Variants in ARPP21 observed in about 807,000 individuals in gnomAD.
The protein encoded by ARPP21 is cAMP regulated phosphoprotein 21, also known as cAMP-regulated phosphoprotein 21.
ARPP21 carries 69 observed loss-of-function variants against 113.2 expected under a neutral mutation model. The observed-to-expected ratio is 0.61, with a 90% CI of 0.50 to 0.74. The LOEUF is 0.74. ARPP21 is among the 30% of genes least tolerant of loss of function. The probability of loss-of-function intolerance (pLI) is 0.00; values close to 1 mark genes in which losing one functional copy is unlikely to be tolerated. For missense variants in ARPP21, 1,070 were observed against 1,037.4 expected (o/e 1.03, Z -0.43); for synonymous variants, 368 against 375.5 (o/e 0.98, Z 0.23).
intron 16 of ARPP21, among the ~76,000 whole-genome samples, chr3:35,737,800 T>A (rs1039264961): frequency 5.3e-5 from 8 of 152,180 alleles, no homozygotes; most frequent in African/African-American, 1.9e-4. Context: ...GAGGACTGGC[T>A]GTTCCTACAT....
At chr3:35,694,893 A>G (rs2083381868) in intron 9 of ARPP21, among the ~76,000 whole-genome samples, 1 of 148,268 alleles carries the variant, frequency 6.7e-6, no homozygotes, top group African/African-American at 2.4e-5. Context: ...GAAAGCATAT[A>G]TATATGCATT....
chr3:35,773,788 CGTAT>C (rs750682293), intron 19 of ARPP21, among the ~76,000 whole-genome samples: 18 of 151,998 alleles, frequency 1.2e-4, no homozygotes, highest in Non-Finnish European at 1.9e-4. Context: ...AAGTAACAGC[CGTAT>C]GTGTTTTTTT....
At chr3:35,666,102 G>A (rs923154739) in intron 1 of ARPP21, among the ~76,000 whole-genome samples, 2 of 152,014 alleles carry the variant, frequency 1.3e-5, no homozygotes, top group African/African-American at 4.8e-5. Flanking sequence ...CTCAGTCAAG[G>A]AGATTAATAA....
chr3:35,677,245 T>C (rs1489253495), intron 1 of ARPP21, among the ~76,000 whole-genome samples: 1 of 151,846 alleles, frequency 6.6e-6, no homozygotes, highest in Admixed American at 6.6e-5. Context: ...TCTTTCCCAA[T>C]TGGTAGCACA....
At chr3:35,692,584 A>C (rs1385119549) in intron 9 of ARPP21, among the ~76,000 whole-genome samples, 1 of 151,662 alleles carries the variant, frequency 6.6e-6, no homozygotes, top group Non-Finnish European at 1.5e-5. Context: ...TGGACAGTAG[A>C]TTTATTTTTA....
intron 15 of ARPP21, among the ~76,000 whole-genome samples, chr3:35,736,583 GATGT>G (rs2094364824): frequency 6.6e-6 from 1 of 152,160 alleles, no homozygotes; most frequent in Non-Finnish European, 1.5e-5. Context: ...ATGATTCTGT[GATGT>G]ACTACTTTTA....
chr3:35,753,639 A>G (rs182750228), intron 19 of ARPP21, among the ~76,000 whole-genome samples: 110 of 152,148 alleles, frequency 7.2e-4, no homozygotes, highest in African/African-American at 2.5e-3. Flanking sequence ...TGGAACATGT[A>G]TATTTGAAAA....
intron 1 of ARPP21, among the ~76,000 whole-genome samples, chr3:35,659,899 C>T (rs1166808988): frequency 6.6e-6 from 1 of 152,120 alleles, no homozygotes; most frequent in East Asian, 1.9e-4. Context: ...GACATTGGTC[C>T]ACAATGACAC....
At chr3:35,786,319 C>T (rs550712783) in intron 19 of ARPP21, among the ~76,000 whole-genome samples, 12 of 151,956 alleles carry the variant, frequency 7.9e-5, no homozygotes, top group Admixed American at 2.6e-4. Context: ...GTCAAGAGAT[C>T]GAGACCATCC....
intron 16 of ARPP21, 22 bp from the exon 17 acceptor site, chr3:35,738,192 A>G (rs1253370089): frequency 6.9e-7 from 1 of 1,459,546 alleles, no homozygotes; most frequent in African/African-American, 1.4e-5. Context: ...CTGTCAGCTG[A>G]TCAATTTTTT....
intron 9 of ARPP21, among the ~76,000 whole-genome samples, chr3:35,700,875 G>A (rs1272149005): frequency 1.3e-5 from 2 of 151,300 alleles, no homozygotes; most frequent in African/African-American, 2.4e-5. Flanking sequence ...GGTACATGTC[G>A]GGCAGTGGGG....
intron 9 of ARPP21, among the ~76,000 whole-genome samples, chr3:35,697,586 T>A (rs1326253303): frequency 6.6e-6 from 1 of 151,578 alleles, no homozygotes; most frequent in East Asian, 1.9e-4. Flanking sequence ...CCTGAAGTGA[T>A]GGATAGTTAT....
rs368983493 is a variant in ARPP21, at chr3:35,784,660, T to C, written c.2138-7722T>C. ...AAAACTACTGTTGCCTCCCAGTAGATGGTACCACCAGAACAATATTATTGT... is the reference window on the plus strand; with the variant it reads ...AAAACTACTGTTGCCTCCCAGTAGACGGTACCACCAGAACAATATTATTGT... On this transcript the variant is annotated intron_variant, in intron 19 of 20. Coordinates refer to ENST00000684406, the MANE Select transcript of ARPP21 (RefSeq NM_001385562.1). Among the ~76,000 whole-genome samples the C allele has an allele frequency of 1.1e-3, 161 of 152,272 alleles. 3 individuals carry two copies. The South Asian group carries it at 0.032, about 30-fold the overall frequency.
chr3:35,789,584 C>A (rs1206141190), intron 19 of ARPP21, among the ~76,000 whole-genome samples: 3 of 152,004 alleles, frequency 2.0e-5, no homozygotes, highest in Non-Finnish European at 2.9e-5. Context: ...ACCATGGGAA[C>A]CCCAGTGTAA....
Position 35,683,981 on chromosome 3 carries a change from T to C in ARPP21, c.261+166T>C, listed in dbSNP as rs780624748. The C allele has an allele frequency of 4.4e-6, 6 of 1,369,898 alleles. No homozygotes were observed. In the East Asian group the frequency reaches 1.2e-4, roughly 26 times the overall value. 84.9% of individuals were successfully genotyped at this position (1,369,898 alleles called of 1,614,324 possible). On this transcript the variant is annotated intron_variant, in intron 5 of 20. Transcript: ENST00000684406. ...GCTTATGCAACATTCTAAAATAGTT[T>C]AATGGTTTGTCACAGAGTATTAAAT...
intron 10 of ARPP21, 22 bp downstream of exon 10, chr3:35,707,104 T>C (rs1239963383): frequency 1.3e-6 from 2 of 1,564,522 alleles, no homozygotes; most frequent in Non-Finnish European, 1.8e-6. Flanking sequence ...AGTTTGAGAG[T>C]GGCTGACATT....
intron 9 of ARPP21, among the ~76,000 whole-genome samples, chr3:35,693,781 T>G (rs2082960621): frequency 6.6e-6 from 1 of 151,612 alleles, no homozygotes. Flanking sequence ...TATTTCTGGA[T>G]TGAAATGTCT....
chr3:35,785,047 C>T (rs946312402), intron 19 of ARPP21: 3 of 152,088 alleles, frequency 2.0e-5, no homozygotes, highest in Non-Finnish European at 2.9e-5. Flanking sequence ...AGCACTTCAT[C>T]AATGAAAATA....
intron 19 of ARPP21, among the ~76,000 whole-genome samples, chr3:35,774,602 C>T (rs896874322): frequency 2.0e-5 from 3 of 152,198 alleles, no homozygotes; most frequent in Non-Finnish European, 4.4e-5. Context: ...GAATGAGTTA[C>T]TCATCTCTCC....
Sources: allele counts gnomAD v4.1 joint callset (sites outside exome capture counted in the v4.1 genomes callset), GRCh38; gene constraint gnomAD v4.1.1; transcripts MANE v1.5; gene names NCBI Gene and HGNC (gene_info 2026-07-23, HGNC 2026-07-21).